Variants in AGBL4 observed in about 807,000 individuals in gnomAD.
The protein encoded by AGBL4 is AGBL carboxypeptidase 4, also known as cytosolic carboxypeptidase 6.
Under a neutral mutation model 66.4 loss-of-function variants are expected in AGBL4, and 58 were observed. That is an observed-to-expected ratio of 0.87 (90% CI 0.71 to 1.09). The LOEUF (loss-of-function observed/expected upper bound fraction) is 1.09, where lower values mean the gene tolerates loss of function less well. AGBL4 is among the 50% of genes least tolerant of loss of function. The pLI, the probability that AGBL4 is intolerant of heterozygous loss-of-function variation, is 0.00. For synonymous variants in AGBL4, 234 were observed against 222.9 expected (o/e 1.05, Z -0.44); for missense variants, 579 against 631.0 (o/e 0.92, Z 0.88).
intron 9 of AGBL4, among the ~76,000 whole-genome samples, chr1:48,614,051 G>A (rs1645281216): frequency 6.6e-6 from 1 of 152,172 alleles, no homozygotes; most frequent in African/African-American, 2.4e-5. Context: ...GAAAAACCAG[G>A]TGTCAAAGGT....
At chr1:49,038,882 A>C (rs747574069) in intron 5 of AGBL4, among the ~76,000 whole-genome samples, 2 of 152,154 alleles carry the variant, frequency 1.3e-5, no homozygotes, top group Non-Finnish European at 2.9e-5. Flanking sequence ...ATGTATGCCC[A>C]CATGAAAACC....
chr1:49,700,558 T>C (rs1293123527), intron 2 of AGBL4, among the ~76,000 whole-genome samples: 2 of 152,086 alleles, frequency 1.3e-5, no homozygotes, highest in Admixed American at 1.3e-4. Flanking sequence ...CTAAATAATA[T>C]ACATTCTTTT....
Position 49,197,268 on chromosome 1 carries a change from T to C in AGBL4, c.377+48502A>G, listed in dbSNP as rs554602010. ...TGCCAGTTTTATGAGTGTTGTATCATGCTCGTGGTTTACCATGAGCAGGCT... is the reference window on the plus strand; with the variant it reads ...TGCCAGTTTTATGAGTGTTGTATCACGCTCGTGGTTTACCATGAGCAGGCT... On this transcript the variant is annotated intron_variant, in intron 4 of 13. Coordinates refer to ENST00000371839, the MANE Select transcript of AGBL4 (RefSeq NM_032785.4). Among the ~76,000 whole-genome samples the C allele has an allele frequency of 7.9e-5, 12 of 152,352 alleles. No individual in the cohort carries two copies. The South Asian group carries it at 1.2e-3, about 16-fold the overall frequency.
At chr1:48,862,977 A>G (rs577400780) in intron 6 of AGBL4, among the ~76,000 whole-genome samples, 19 of 152,318 alleles carry the variant, frequency 1.2e-4, no homozygotes, top group Non-Finnish European at 2.5e-4. Flanking sequence ...CACTTTGGTA[A>G]GGTAATATAG....
In AGBL4 at chr1:49,573,113, C is replaced by CAT. The variant is rs199934150; in HGVS notation, c.282+124198_282+124199dup. 7.6e-3 allele frequency among the ~76,000 whole-genome samples: 1,132 copies of CAT among 148,756 alleles called. 12 individuals are homozygous for CAT. The highest frequency in any genetic ancestry group is 0.026 in the African/African-American group (1,061 of 40,052). On this transcript the variant is annotated intron_variant, in intron 3 of 13. Transcript: ENST00000371839. The stretch of plus-strand genomic sequence containing the variant: ...TGTAAGTTAATATATAATAAATTCT[C>CAT]ATATATATATATGTGTGTCTGTGTG...
At chr1:49,936,182 T>A (rs1378991357) in intron 1 of AGBL4, among the ~76,000 whole-genome samples, 1 of 151,936 alleles carries the variant, frequency 6.6e-6, no homozygotes, top group African/African-American at 2.4e-5. Flanking sequence ...GAGAACTACG[T>A]GAAGAATGCA....
intron 6 of AGBL4, among the ~76,000 whole-genome samples, chr1:48,747,279 C>T (rs192904395): frequency 6.6e-5 from 10 of 152,150 alleles, no homozygotes; most frequent in Middle Eastern, 3.4e-3. Context: ...CATTTGCATT[C>T]GGATATTGAC....
chr1:49,231,098 T>A lies in AGBL4; in HGVS notation c.377+14672A>T, dbSNP rs571091453. Among the ~76,000 whole-genome samples the A allele has an allele frequency of 1.9e-3, 288 of 152,348 alleles. 10 individuals are homozygous for A. The South Asian group carries it at 0.058, about 31-fold the overall frequency. ...TTAGTAAATTGAACAGTAATTCTTA[T>A]AGCTACAATATTTAAGGAGGGTCAT... On this transcript the variant is annotated intron_variant, in intron 4 of 13. Transcript: ENST00000371839.
chr1:48,775,284 C>T (rs1273027622), intron 6 of AGBL4, among the ~76,000 whole-genome samples: 2 of 152,090 alleles, frequency 1.3e-5, no homozygotes, highest in African/African-American at 2.4e-5. Flanking sequence ...CCAGTTCTTC[C>T]ACTCTTCAAC....
intron 4 of AGBL4, among the ~76,000 whole-genome samples, chr1:49,133,232 C>CT (rs1353646016): frequency 1.3e-5 from 2 of 151,968 alleles, no homozygotes; most frequent in Non-Finnish European, 2.9e-5. Context: ...ACACTGGGGC[C>CT]TGTCAGGGGT....
At chr1:48,816,045 T>TTGTGTG (rs59041939) in intron 6 of AGBL4, among the ~76,000 whole-genome samples, 93 of 144,394 alleles carry the variant, frequency 6.4e-4, no homozygotes, top group African/African-American at 2.3e-3. Flanking sequence ...AGGAACTGTT[T>TTGTGTG]TGTGTGTGTG....
At chr1:49,281,956 T>A (rs1644281456) in intron 3 of AGBL4, among the ~76,000 whole-genome samples, 1 of 152,178 alleles carries the variant, frequency 6.6e-6, no homozygotes, top group African/African-American at 2.4e-5. Context: ...AAACTGCCAA[T>A]TTATAGGCAG....
chr1:49,380,679 G>T (rs1450416855), intron 3 of AGBL4, among the ~76,000 whole-genome samples: 1 of 152,136 alleles, frequency 6.6e-6, no homozygotes, highest in Non-Finnish European at 1.5e-5. Context: ...AGAGCCCTCA[G>T]AAATAATGCC....
chr1:49,665,945 A>T (rs1224741665), intron 3 of AGBL4, among the ~76,000 whole-genome samples: 1 of 151,258 alleles, frequency 6.6e-6, no homozygotes, highest in Non-Finnish European at 1.5e-5. Context: ...TTTTTTTAAC[A>T]AAGAAGTACA....
At chr1:49,213,979 T>G (rs1159710703) in intron 4 of AGBL4, among the ~76,000 whole-genome samples, 1 of 152,152 alleles carries the variant, frequency 6.6e-6, no homozygotes, top group African/African-American at 2.4e-5. Flanking sequence ...TTACTTTGTA[T>G]GCCAAGCACC....
chr1:49,905,880 T>C (rs1650224056), intron 1 of AGBL4, among the ~76,000 whole-genome samples: 4 of 152,066 alleles, frequency 2.6e-5, no homozygotes, highest in Admixed American at 1.3e-4. Context: ...TGAGTCTGTA[T>C]GTATTTAAGA....
intron 3 of AGBL4, among the ~76,000 whole-genome samples, chr1:49,598,601 C>CG (rs1644895434): frequency 6.6e-6 from 1 of 152,018 alleles, no homozygotes; most frequent in African/African-American, 2.4e-5. Flanking sequence ...AGTACCCGGC[C>CG]GTGTGAGGTG....
intron 3 of AGBL4, among the ~76,000 whole-genome samples, chr1:49,640,974 G>A (rs942343303): frequency 5.9e-5 from 9 of 151,930 alleles, no homozygotes; most frequent in African/African-American, 1.5e-4. Flanking sequence ...TCAATAAATC[G>A]GTGCTCACTA....
intron 2 of AGBL4, among the ~76,000 whole-genome samples, chr1:49,816,717 A>G (rs1213762420): frequency 6.6e-6 from 1 of 152,176 alleles, no homozygotes; most frequent in Non-Finnish European, 1.5e-5. Context: ...AAATGTAACA[A>G]CTTACAGACT....
Sources: gnomAD v4.1 joint callset for allele counts (sites outside exome capture counted in the v4.1 genomes callset) on GRCh38, gnomAD v4.1.1 for gene constraint, MANE v1.5 for transcripts, NCBI Gene and HGNC (gene_info 2026-07-23, HGNC 2026-07-21) for gene names.